INSL6: variants seen among roughly 807,000 people sequenced by gnomAD.
INSL6 encodes insulin-like peptide INSL6.
A neutral mutation model predicts 9.4 loss-of-function variants in INSL6; 16 were observed. The ratio of observed to expected loss-of-function variants is 1.70; its 90% CI spans 1.15 to 2.59. INSL6 has a LOEUF of 2.59. Ranked by LOEUF, INSL6 falls within the 30% of genes most tolerant of loss-of-function variation. The pLI is 0.00. For missense variants in INSL6, 391 were observed against 257.3 expected (o/e 1.52, Z -3.56); for synonymous variants, 154 against 96.9 (o/e 1.59, Z -3.46).
the INSL6 span, among the ~76,000 whole-genome samples, chr9:5,022,928 A>C: frequency 6.6e-6 from 1 of 152,264 alleles, no homozygotes. Context: ...AGTATTTATA[A>C]GAATGTATGA....
the INSL6 span, among the ~76,000 whole-genome samples, chr9:5,103,320 A>T: frequency 1.4e-5 from 2 of 145,742 alleles, no homozygotes; most frequent in South Asian, 4.2e-4. Context: ...AAAAGAGACA[A>T]AAAAGGCCAT....
At chr9:5,090,709 C>G in the INSL6 span, 4 of 1,561,446 alleles carry the variant, frequency 2.6e-6, no homozygotes, top group Non-Finnish European at 3.4e-6. Context: ...ATTTATAAAA[C>G]TAGCTGAAAG....
At chr9:5,079,568 A>G in the INSL6 span, among the ~76,000 whole-genome samples, 1 of 152,030 alleles carries the variant, frequency 6.6e-6, no homozygotes, top group Admixed American at 6.5e-5. Flanking sequence ...GAATGATGTA[A>G]CATTACCTTT....
At chr9:5,054,370 T>C in the INSL6 span, among the ~76,000 whole-genome samples, 2 of 152,030 alleles carry the variant, frequency 1.3e-5, no homozygotes, top group Non-Finnish European at 2.9e-5. This position sits in a 1 kb window ranked among gnomAD's most constrained non-coding sequence, Gnocchi z 4.9. Flanking sequence ...TGTGGATATA[T>C]TTATATCATC....
exon 4 of INSL6, among the ~76,000 whole-genome samples, chr9:5,123,884 T>C (rs990363566): frequency 6.6e-6 from 1 of 151,378 alleles, no homozygotes; most frequent in Non-Finnish European, 1.5e-5. Context: ...GGGTAATTTT[T>C]TCTCTTTTTT....
At chr9:5,145,628 C>T (rs766102229) in intron 2 of INSL6, among the ~76,000 whole-genome samples, 6 of 152,170 alleles carry the variant, frequency 3.9e-5, no homozygotes, top group Non-Finnish European at 8.8e-5. Context: ...TACACAATCC[C>T]ATATTTCTTG....
chr9:5,054,860 A>G, the INSL6 span: 2 of 1,606,394 alleles, frequency 1.2e-6, no homozygotes, highest in Admixed American at 3.4e-5. This position sits in a 1 kb window ranked among gnomAD's most constrained non-coding sequence, Gnocchi z 4.9. Flanking sequence ...GGAAACATAA[A>G]GAAAGTGAGA....
chr9:5,089,052 G>T, the INSL6 span, among the ~76,000 whole-genome samples: 1 of 152,206 alleles, frequency 6.6e-6, no homozygotes, highest in East Asian at 1.9e-4. Flanking sequence ...AGTGACAAAA[G>T]TTTAGGAATC....
chr9:5,049,271 T>C, the INSL6 span, among the ~76,000 whole-genome samples: 1 of 152,186 alleles, frequency 6.6e-6, no homozygotes, highest in Admixed American at 6.5e-5. Context: ...CAGATCTCCA[T>C]AGTTTCTAGG....
At chr9:4,998,843 T>G in the INSL6 span, among the ~76,000 whole-genome samples, 1 of 151,898 alleles carries the variant, frequency 6.6e-6, no homozygotes, top group African/African-American at 2.4e-5. Context: ...CAGGAGTTCT[T>G]TTTTTGAGAT....
At chr9:5,126,502 A>C in intron 3 of INSL6, 3 of 1,234,054 alleles carry the variant, frequency 2.4e-6, no homozygotes, top group South Asian at 2.6e-5. Flanking sequence ...CTTTTTACTC[A>C]AGGACTTCAG....
At chr9:5,092,952 C>G in the INSL6 span, among the ~76,000 whole-genome samples, 3 of 152,162 alleles carry the variant, frequency 2.0e-5, no homozygotes, top group African/African-American at 7.2e-5. Context: ...AAAATAACAT[C>G]GCCATAGTTG....
chr9:5,163,633 A>ACTT (rs34772339), downstream of INSL6, among the ~76,000 whole-genome samples: 36,565 of 151,938 alleles, frequency 0.24, 4,815 homozygotes, highest in South Asian at 0.3. Flanking sequence ...ACAGCTTAAG[A>ACTT]GAGTTTCAAC....
chr9:5,180,134 T>A (rs1722865117), intron 1 of INSL6, among the ~76,000 whole-genome samples: 1 of 152,238 alleles, frequency 6.6e-6, no homozygotes, highest in Non-Finnish European at 1.5e-5. Flanking sequence ...GATTTCATTT[T>A]AATATGGACA....
chr9:5,171,413 A>C (rs576735688), intron 1 of INSL6, among the ~76,000 whole-genome samples: 3 of 152,328 alleles, frequency 2.0e-5, no homozygotes, highest in Admixed American at 2.0e-4. Context: ...CATTCCCTTG[A>C]AAACTGGCCC....
chr9:5,148,750 C>T (rs1358252054), intron 2 of INSL6, among the ~76,000 whole-genome samples: 1 of 152,172 alleles, frequency 6.6e-6, no homozygotes, highest in Non-Finnish European at 1.5e-5. Flanking sequence ...CTCGTGGCTC[C>T]CTTTTCCAGA....
chr9:5,152,503 A>G (rs561105048), intron 2 of INSL6, among the ~76,000 whole-genome samples: 6 of 152,304 alleles, frequency 3.9e-5, no homozygotes, highest in Admixed American at 6.5e-5. Flanking sequence ...TCTCTAATGA[A>G]TGAAAATGAA....
the INSL6 span, chr9:5,055,029 G>T: frequency 3.8e-6 from 2 of 521,190 alleles, no homozygotes; most frequent in African/African-American, 1.9e-5. Flanking sequence ...AACCTATCAA[G>T]GTCATATAAT....
At chr9:5,032,211 G>A in the INSL6 span, among the ~76,000 whole-genome samples, 4 of 152,220 alleles carry the variant, frequency 2.6e-5, no homozygotes, top group Admixed American at 6.5e-5. Flanking sequence ...AGGGGCGCCC[G>A]CCATTGCCGA....
Sources: allele counts gnomAD v4.1 joint callset (sites outside exome capture counted in the v4.1 genomes callset), GRCh38; gene constraint gnomAD v4.1.1; non-coding constraint Gnocchi (gnomAD v3.1); transcripts MANE v1.5; gene names NCBI Gene and HGNC (gene_info 2026-07-23, HGNC 2026-07-21).